NMBR: variants seen among roughly 807,000 people sequenced by gnomAD.
NMBR encodes neuromedin B receptor, also known as neuromedin-B receptor.
In NMBR, 16 loss-of-function variants were observed where a neutral mutation model predicts 20.5. The observed-to-expected ratio is 0.78, with a 90% CI of 0.53 to 1.19. The LOEUF is 1.19. Among genes scored for constraint, NMBR ranks in the 50% most tolerant of loss-of-function variants. NMBR has a pLI of 0.00. For missense variants in NMBR, 582 were observed against 499.1 expected, an observed-to-expected ratio of 1.17 and a Z score of -1.58; for synonymous variants, 212 against 196.6, an observed-to-expected ratio of 1.08 and a Z score of -0.65.
chr6:142,088,157 A>C, intron 2 of NMBR, 80 bp downstream of exon 2: 1 of 1,398,124 alleles, frequency 7.2e-7, no homozygotes, highest in South Asian at 1.3e-5. Flanking sequence ...TTCTGCCAGT[A>C]GGTGCACTCC....
At chr6:142,109,236 C>T (rs545728725) in intron 1 of NMBR, among the ~76,000 whole-genome samples, 3 of 152,226 alleles carry the variant, frequency 2.0e-5, no homozygotes, top group African/African-American at 7.2e-5. Flanking sequence ...CTCATAGTTC[C>T]ATTAAGCAAT....
At chr6:142,137,940 T>A (rs565543262) in intron 1 of NMBR, among the ~76,000 whole-genome samples, 1 of 152,102 alleles carries the variant, frequency 6.6e-6, no homozygotes, top group Admixed American at 6.6e-5. Flanking sequence ...AAAAATGCTA[T>A]GGATTATATT....
rs373665299 is a variant in NMBR, at chr6:142,078,740, T to C, written c.586A>G (p.Thr196Ala). The C allele has an allele frequency of 1.1e-5, 18 of 1,614,052 alleles. No homozygotes were observed. In the African/African-American group the frequency reaches 2.0e-4, roughly 18 times the overall value. Reference protein sequence around the residue: ...RISSLDNSSFTACIPYPQTDE... With the variant: ...RISSLDNSSFAACIPYPQTDE... ...GTTTGAGGGTATGGGATACATGCTGTGAAGCTGCTATTATCCAAGCTACTG... is the reference window on the plus strand; with the variant it reads ...GTTTGAGGGTATGGGATACATGCTGCGAAGCTGCTATTATCCAAGCTACTG... The change falls in exon 3 of 4, where the codon ACA (threonine) becomes GCA (alanine). Residue 196 changes from threonine to alanine, a missense_variant. Transcript: ENST00000258042.
In NMBR at chr6:142,075,519, T is replaced by C. The variant is rs367706106; in HGVS notation, c.*129A>G. 24 of 799,386 alleles carry C rather than the reference T, an allele frequency of 3.0e-5. No homozygotes were observed. Among genetic ancestry groups the C allele is most frequent in the East Asian group, 1.9e-4 (7 of 37,394 alleles). The allele number at this position is 799,386 out of a possible 1,614,324, so 49.5% of individuals were successfully genotyped here. On this transcript the variant is annotated 3_prime_UTR_variant, in exon 4 of 4. Transcript: ENST00000258042. ...TAAAGTCTAGTGTAGAGAAAAAATG[T>C]CTTGCATTTTCTGAGTCAATCATGC...
chr6:142,100,843 AT>A (rs1296927009), intron 1 of NMBR, among the ~76,000 whole-genome samples: 1 of 152,228 alleles, frequency 6.6e-6, no homozygotes, highest in Non-Finnish European at 1.5e-5. Context: ...TAATTTTGCC[AT>A]TTCAAAGCAG....
chr6:142,134,135 T>G (rs540314280), intron 1 of NMBR: 3 of 519,662 alleles, frequency 5.8e-6, no homozygotes, highest in African/African-American at 3.8e-5. Flanking sequence ...TAACAGGTTT[T>G]TTGTTCCTAA....
chr6:142,133,770 A>T (rs1778191658), intron 1 of NMBR: 1 of 529,950 alleles, frequency 1.9e-6, no homozygotes, highest in African/African-American at 1.9e-5. Flanking sequence ...CATTTTTTAA[A>T]TGTGATATAA....
At chr6:142,119,074 A>G (rs1167207703) in intron 1 of NMBR, among the ~76,000 whole-genome samples, 1 of 152,014 alleles carries the variant, frequency 6.6e-6, no homozygotes, top group Non-Finnish European at 1.5e-5. Context: ...ATGGACTCTG[A>G]GTATTGTTCT....
chr6:142,090,445 T>C (rs1016016589), intron 1 of NMBR, among the ~76,000 whole-genome samples: 8 of 151,926 alleles, frequency 5.3e-5, no homozygotes, highest in African/African-American at 1.9e-4. Flanking sequence ...TGTAATCAAT[T>C]TTAAGTTTTA....
intron 1 of NMBR, among the ~76,000 whole-genome samples, chr6:142,122,674 C>T (rs1001470811): frequency 6.6e-6 from 1 of 151,846 alleles, no homozygotes; most frequent in Non-Finnish European, 1.5e-5. Flanking sequence ...AGCTAATATT[C>T]ATTTGGAATT....
At chr6:142,101,655 A>T (rs1777567549) in intron 1 of NMBR, among the ~76,000 whole-genome samples, 1 of 152,118 alleles carries the variant, frequency 6.6e-6, no homozygotes, top group Non-Finnish European at 1.5e-5. Context: ...AGTGACTCTA[A>T]TTTGGTTTAA....
At chr6:142,082,121 A>G (rs1007769913) in intron 2 of NMBR, among the ~76,000 whole-genome samples, 1 of 152,204 alleles carries the variant, frequency 6.6e-6, no homozygotes, top group African/African-American at 2.4e-5. Context: ...ATCTCCATCT[A>G]CACTAATCTT....
intron 1 of NMBR, among the ~76,000 whole-genome samples, chr6:142,136,065 C>T (rs919763810): frequency 6.6e-5 from 10 of 152,174 alleles, no homozygotes; most frequent in African/African-American, 2.2e-4. Context: ...CCTGAGGAAT[C>T]GCCACACTGA....
chr6:142,076,263 C>T (rs1438345687), intron 3 of NMBR, among the ~76,000 whole-genome samples: 1 of 152,156 alleles, frequency 6.6e-6, no homozygotes, highest in African/African-American at 2.4e-5. Context: ...AAATATTTGA[C>T]AGCTTATACA....
intron 3 of NMBR, 21 bp from the exon 4 acceptor site, chr6:142,076,070 T>C (rs1776940880): frequency 6.5e-7 from 1 of 1,538,012 alleles, no homozygotes; most frequent in African/African-American, 1.4e-5. Flanking sequence ...AAGAAATTGA[T>C]CCCATTGGTT....
intron 2 of NMBR, among the ~76,000 whole-genome samples, chr6:142,086,959 AAG>A (rs1295065367): frequency 6.6e-6 from 1 of 152,212 alleles, no homozygotes; most frequent in African/African-American, 2.4e-5. Context: ...AGATTGCATA[AAG>A]AGGGGCAGCT....
intron 1 of NMBR, among the ~76,000 whole-genome samples, chr6:142,101,620 G>A (rs989287421): frequency 2.6e-5 from 4 of 152,136 alleles, no homozygotes; most frequent in Admixed American, 1.3e-4. Flanking sequence ...TAAGGTCTTA[G>A]TTTGATTATG....
intron 1 of NMBR, among the ~76,000 whole-genome samples, chr6:142,103,214 T>A (rs543677029): frequency 7.2e-5 from 11 of 152,136 alleles, no homozygotes; most frequent in Non-Finnish European, 1.5e-4. Flanking sequence ...GGGTTGATTG[T>A]CCCCAGTCAG....
intron 1 of NMBR, among the ~76,000 whole-genome samples, chr6:142,134,297 A>G (rs1340862156): frequency 6.6e-6 from 1 of 152,192 alleles, no homozygotes; most frequent in Admixed American, 6.5e-5. Context: ...CTAATAAAAT[A>G]AACTACTTCA....
Sources: allele counts gnomAD v4.1 joint callset (sites outside exome capture counted in the v4.1 genomes callset), GRCh38; gene constraint gnomAD v4.1.1; transcripts MANE v1.5; gene names NCBI Gene and HGNC (gene_info 2026-07-23, HGNC 2026-07-21).